Variants in SLC35E3 observed in about 807,000 individuals in gnomAD.
SLC35E3 encodes the protein bladder cancer-overexpressed gene 1 protein.
SLC35E3 carries 28 observed loss-of-function variants against 30.8 expected under a neutral mutation model. The ratio of observed to expected loss-of-function variants is 0.91; its 90% confidence interval spans 0.67 to 1.25. SLC35E3 has a LOEUF of 1.25. SLC35E3 is among the 50% of genes most tolerant of loss of function. The pLI is 0.00. For synonymous variants in SLC35E3, 146 were observed against 149.2 expected (o/e 0.98, Z 0.16); for missense variants, 365 against 375.4 (o/e 0.97, Z 0.23).
chr12:68,750,888 T>TA (rs1878763898), intron 2 of SLC35E3, among the ~76,000 whole-genome samples: 1 of 152,146 alleles, frequency 6.6e-6, no homozygotes, highest in African/African-American at 2.4e-5. Flanking sequence ...TGTAACAAGA[T>TA]ACCCAGACCT....
intron 3 of SLC35E3, among the ~76,000 whole-genome samples, chr12:68,758,390 A>G (rs1879107915): frequency 6.6e-6 from 1 of 152,044 alleles, no homozygotes; most frequent in Non-Finnish European, 1.5e-5. Context: ...ACTGCACTCC[A>G]GCCTGGGTGA....
chr12:68,766,864 C>A lies in SLC35E3; in HGVS notation c.*1974C>A. ...CCTCTCGAAGTGCTGGGATTACAGG[C>A]CTGAGCCACCACACCTGGCCAGTAA... On this transcript the variant is annotated 3_prime_UTR_variant, in exon 5 of 5. Coordinates refer to ENST00000398004, the MANE Select transcript of SLC35E3 (RefSeq NM_018656.5). 2.4e-6 allele frequency: 1 copy of A among 418,898 alleles called. No individual in the cohort carries two copies. The highest frequency in any genetic ancestry group is 1.7e-5 in the South Asian group (1 of 57,428). 25.9% of individuals were successfully genotyped at this position (418,898 alleles called of 1,614,324 possible).
rs549873222 is a variant in SLC35E3 at position 68,763,635 on chromosome 12, C to T, written c.756-1069C>T. Among the ~76,000 whole-genome samples the T allele has an allele frequency of 4.6e-5, 7 of 152,262 alleles. No individual in the cohort carries two copies. In the East Asian group the frequency reaches 5.8e-4, roughly 13 times the overall value. On this transcript the variant is annotated intron_variant, in intron 4 of 4. Transcript: ENST00000398004. The stretch of plus-strand genomic sequence containing the variant: ...AACTCCTGACCTCAGGTGATCCACG[C>T]CCCTTGGCCTCCCAAAGTGCTGGGA...
chr12:68,774,821 TAAAAAAAAA>T lies in SLC35E3; in HGVS notation c.*9940_*9948del, dbSNP rs71091558. The T allele has an allele frequency of 3.1e-4, 29 of 94,588 alleles. No individual in the cohort carries two copies. Among genetic ancestry groups the T allele is most frequent in the African/African-American group, 1.0e-3 (27 of 25,718 alleles). The allele number at this position is 94,588 out of a possible 1,614,324, so 5.9% of individuals were successfully genotyped here. On this transcript the variant is annotated 3_prime_UTR_variant, in exon 5 of 5. Coordinates refer to ENST00000398004, the MANE Select transcript of SLC35E3 (RefSeq NM_018656.5). ...CAATGCCGTTAGATGCCCTATCTCT[TAAAAAAAAA>T]AAAAAAAAGATAAAATAAAAGAAAT... is the stretch of plus-strand genomic sequence containing the variant.
intron 4 of SLC35E3, among the ~76,000 whole-genome samples, chr12:68,761,467 CTCTGGGCTGTTGACTT>C (rs1406234442): frequency 6.6e-6 from 1 of 152,128 alleles, no homozygotes; most frequent in African/African-American, 2.4e-5. Context: ...ATTTCTCAAC[CTCTGGGCTGTTGACTT>C]TTTGGGCTAG....
At position 68,779,217 on chromosome 12, in the gene SLC35E3, CA is replaced by C. The variant is rs1000797781; in HGVS notation, c.*14329del. Reference sequence around the variant, plus strand: ...CACTGCAGCCCTGAACTCCTTGGCTCAAGTAATCCTCCTGCCTCAGCCTCCT... The same window carrying C: ...CACTGCAGCCCTGAACTCCTTGGCTCAGTAATCCTCCTGCCTCAGCCTCCT... On this transcript the variant is annotated 3_prime_UTR_variant, in exon 5 of 5. Coordinates refer to ENST00000398004, the MANE Select transcript of SLC35E3 (RefSeq NM_018656.5). 6.6e-6 allele frequency: 1 copy of C among 152,276 alleles called. No individual in the cohort carries two copies. The highest frequency in any genetic ancestry group is 2.4e-5 in the African/African-American group (1 of 41,452). The allele number at this position is 152,276 out of a possible 1,614,324, so 9.4% of individuals were successfully genotyped here. A position where few individuals can be genotyped will look rare whatever the true frequency, so the allele number is the denominator to read the frequency against.
chr12:68,758,875 G>A (rs1879133215), intron 3 of SLC35E3, among the ~76,000 whole-genome samples: 1 of 151,220 alleles, frequency 6.6e-6, no homozygotes, highest in Admixed American at 6.6e-5. Flanking sequence ...CCAAGTAGCT[G>A]GGACTACAGG....
At chr12:68,758,081 G>A (rs1879093091) in intron 3 of SLC35E3, among the ~76,000 whole-genome samples, 1 of 147,068 alleles carries the variant, frequency 6.8e-6, no homozygotes, top group African/African-American at 2.5e-5. Flanking sequence ...GACAGAATGA[G>A]ACTCCATCTC....
At position 68,779,790 on chromosome 12, in the gene SLC35E3, T is replaced by C. The variant is rs1280134756; in HGVS notation, c.*14900T>C. 1 of 151,978 alleles carries C rather than the reference T, an allele frequency of 6.6e-6. No homozygotes were observed. Among genetic ancestry groups the C allele is most frequent in the Non-Finnish European group, 1.5e-5 (1 of 68,022 alleles). 9.4% of individuals were successfully genotyped at this position (151,978 alleles called of 1,614,324 possible). ...GTCTCTATAAAAAATTTTATAAAATTAGCCGGGCATGGTGGTAGACACCTG... is the reference window on the plus strand; with the variant it reads ...GTCTCTATAAAAAATTTTATAAAATCAGCCGGGCATGGTGGTAGACACCTG... On this transcript the variant is annotated 3_prime_UTR_variant, in exon 5 of 5. Coordinates refer to ENST00000398004, the MANE Select transcript of SLC35E3 (RefSeq NM_018656.5).
Position 68,746,643 on chromosome 12 carries a change from T to C in SLC35E3, c.266T>C (p.Val89Ala). ...GCCCTCAGCTTCTGTGGCTTTGTGG[T>C]CTTCACTAACCTTTCTCTGCAGAAC... The part of the protein sequence containing the change: ...LLALSFCGFV[V>A]FTNLSLQNNT... Residue 89 changes from valine (V) to alanine (A), a missense_variant, in exon 1 of 5, where the codon GTC (valine) becomes GCC (alanine). Transcript: ENST00000398004. 1.2e-6 allele frequency: 2 copies of C among 1,614,160 alleles called. No individual in the cohort carries two copies. The highest frequency in any genetic ancestry group is 1.7e-6 in the Non-Finnish European group (2 of 1,180,032).
chr12:68,776,652 C>G lies in SLC35E3; in HGVS notation c.*11762C>G, dbSNP rs1041012584. 6.6e-6 allele frequency: 1 copy of G among 152,252 alleles called. No individual in the cohort carries two copies. Among genetic ancestry groups the G allele is most frequent in the African/African-American group, 2.4e-5 (1 of 41,382 alleles). 9.4% of individuals were successfully genotyped at this position (152,252 alleles called of 1,614,324 possible). ...AGTGAGCTGAGATCATGCCACTGCA[C>G]TCCAGCCTGGATGACAGAATGAAAC... On this transcript the variant is annotated 3_prime_UTR_variant, in exon 5 of 5. Transcript: ENST00000398004.
chr12:68,759,532 C>T (rs777627040), intron 4 of SLC35E3, among the ~76,000 whole-genome samples: 11 of 151,660 alleles, frequency 7.3e-5, no homozygotes, highest in African/African-American at 1.2e-4. Context: ...GGTGAAACCC[C>T]GTCTCTACAA....
In SLC35E3 at chr12:68,764,767, G is replaced by A; in HGVS notation, c.819G>A (p.Lys273=). ...TATTCGGAGGATATGTTTTATTTAA[G>A]GATCCACTGTCCATTAATCAGGCCC... ...ITLFGGYVLF[K]DPLSINQALG... is the part of the protein sequence containing the mutation. The change falls in exon 5 of 5, where the codon AAG becomes AAA. Residue 273 remains lysine (K), a synonymous_variant. Coordinates refer to ENST00000398004, the MANE Select transcript of SLC35E3 (RefSeq NM_018656.5). The A allele has an allele frequency of 6.2e-7, 1 of 1,614,092 alleles. No homozygotes were observed. The highest frequency in any genetic ancestry group is 8.5e-7 in the Non-Finnish European group (1 of 1,180,022).
intron 4 of SLC35E3, among the ~76,000 whole-genome samples, chr12:68,763,014 G>C (rs1431764404): frequency 6.6e-6 from 1 of 152,234 alleles, no homozygotes; most frequent in Non-Finnish European, 1.5e-5. Flanking sequence ...CTTATGAAAT[G>C]TATGAAGTGG....
At chr12:68,758,128 G>A (rs1879095721) in intron 3 of SLC35E3, among the ~76,000 whole-genome samples, 1 of 150,900 alleles carries the variant, frequency 6.6e-6, no homozygotes, top group Non-Finnish European at 1.5e-5. Context: ...CAATTTAATA[G>A]AAAAAGATCT....
chr12:68,759,784 A>G (rs1006399124), intron 4 of SLC35E3, among the ~76,000 whole-genome samples: 17 of 152,126 alleles, frequency 1.1e-4, no homozygotes, highest in African/African-American at 4.1e-4. Flanking sequence ...TTCTTATGTA[A>G]TAGGTGACCT....
chr12:68,775,565 A>G lies in SLC35E3; in HGVS notation c.*10675A>G, dbSNP rs1879717332. On this transcript the variant is annotated 3_prime_UTR_variant, in exon 5 of 5. Transcript: ENST00000398004. ...AGCCTTCATGACCCAGTCACCTTTT[A>G]AAGGCGCCATCTCTCAATATTGCCA... 6.6e-6 allele frequency: 1 copy of G among 152,168 alleles called. No individual in the cohort carries two copies. Among genetic ancestry groups the G allele is most frequent in the Non-Finnish European group, 1.5e-5 (1 of 68,056 alleles). The allele number at this position is 152,168 out of a possible 1,614,324, so 9.4% of individuals were successfully genotyped here. A position where few individuals can be genotyped will look rare whatever the true frequency, so the allele number is the denominator to read the frequency against.
chr12:68,771,275 GAAAAAAA>G lies in SLC35E3; in HGVS notation c.*6393_*6399del, dbSNP rs34394503. On this transcript the variant is annotated 3_prime_UTR_variant, in exon 5 of 5. Transcript: ENST00000398004. ...GGTGACAGAGAGAGACTCTATCTCA[GAAAAAAA>G]AAAAAAAGATGTTAATCAAATAATT... The G allele has an allele frequency of 7.8e-6, 1 of 127,614 alleles. No homozygotes were observed. The highest frequency in any genetic ancestry group is 2.2e-4 in the East Asian group (1 of 4,454). The allele number at this position is 127,614 out of a possible 1,614,324, so 7.9% of individuals were successfully genotyped here.
chr12:68,776,849 A>G lies in SLC35E3; in HGVS notation c.*11959A>G, dbSNP rs891826138. On this transcript the variant is annotated 3_prime_UTR_variant, in exon 5 of 5. Transcript: ENST00000398004. ...GTTGCTGGCTTGGAATGAATGAACC[A>G]GTTCCAGCCAGGAACAGACTTTCCC... 6 of 152,236 alleles carry G rather than the reference A, an allele frequency of 3.9e-5. No homozygotes were observed. Among genetic ancestry groups the G allele is most frequent in the African/African-American group, 1.4e-4 (6 of 41,536 alleles). 9.4% of individuals were successfully genotyped at this position (152,236 alleles called of 1,614,324 possible). A position where few individuals can be genotyped will look rare whatever the true frequency, so the allele number is the denominator to read the frequency against.
Sources: allele counts gnomAD v4.1 joint callset (sites outside exome capture counted in the v4.1 genomes callset), GRCh38; gene constraint gnomAD v4.1.1; transcripts MANE v1.5; gene names NCBI Gene and HGNC (gene_info 2026-07-23, HGNC 2026-07-21).